The following CLIP1 variants were observed in gnomAD, a reference collection of about 807,000 sequenced individuals.
CLIP1 encodes the protein CAP-Gly domain containing linker protein 1.
In CLIP1, 66 loss-of-function variants were observed where a neutral mutation model predicts 161.6. The observed-to-expected ratio is 0.41, with a 90% CI of 0.33 to 0.50. CLIP1 has a LOEUF of 0.50. CLIP1 is among the 20% of genes least tolerant of loss of function. The pLI is 0.27. For synonymous variants in CLIP1, 598 were observed against 626.2 expected (o/e 0.96, Z 0.67); for missense variants, 1,376 against 1,702.0 (o/e 0.81, Z 3.37).
At chr12:122,379,637 A>G (rs1476972534) in intron 2 of CLIP1, among the ~76,000 whole-genome samples, 1 of 151,522 alleles carries the variant, frequency 6.6e-6, no homozygotes, top group African/African-American at 2.4e-5. Context: ...ATAAAATTTT[A>G]CGTCTTTCAA....
intron 20 of CLIP1, 57 bp downstream of exon 20, chr12:122,309,705 C>T: frequency 6.2e-7 from 1 of 1,602,244 alleles, no homozygotes; most frequent in Non-Finnish European, 8.5e-7. Flanking sequence ...AGCGTGCTGC[C>T]AACAGCAGCA....
At chr12:122,324,350 T>G (rs1383782133) in intron 17 of CLIP1, 1 of 152,522 alleles carries the variant, frequency 6.6e-6, no homozygotes, top group Admixed American at 6.5e-5. Flanking sequence ...TTCAATTTCT[T>G]TTTTGGCTGA....
intron 1 of CLIP1, among the ~76,000 whole-genome samples, chr12:122,406,756 C>A (rs1956339532): frequency 6.6e-6 from 1 of 151,926 alleles, no homozygotes; most frequent in South Asian, 2.1e-4. Flanking sequence ...AAAAACTAAC[C>A]CAGGGAGAAG....
chr12:122,331,496 G>A (rs534006305), intron 15 of CLIP1, among the ~76,000 whole-genome samples: 4 of 151,710 alleles, frequency 2.6e-5, no homozygotes, highest in African/African-American at 9.7e-5. Flanking sequence ...TGTATTTTTA[G>A]TAGCGATAGG....
chr12:122,310,340 T>A (rs1951018314), intron 19 of CLIP1, among the ~76,000 whole-genome samples: 1 of 152,194 alleles, frequency 6.6e-6, no homozygotes, highest in African/African-American at 2.4e-5. Flanking sequence ...GAAATAAAAA[T>A]CCAATGGTCC....
At chr12:122,385,972 T>C (rs1433712723) in intron 1 of CLIP1, among the ~76,000 whole-genome samples, 1 of 151,464 alleles carries the variant, frequency 6.6e-6, no homozygotes, top group Non-Finnish European at 1.5e-5. Context: ...GTTTAAAGAG[T>C]TTGGGATGGA....
At chr12:122,337,333 G>A (rs987986193) in intron 11 of CLIP1, among the ~76,000 whole-genome samples, 6 of 151,346 alleles carry the variant, frequency 4.0e-5, no homozygotes, top group East Asian at 2.0e-4. Context: ...CTGTAATCCC[G>A]CTACTTGGGA....
At chr12:122,357,580 C>T (rs1474910791) in intron 5 of CLIP1, among the ~76,000 whole-genome samples, 2 of 138,996 alleles carry the variant, frequency 1.4e-5, no homozygotes, top group Non-Finnish European at 3.1e-5. Flanking sequence ...CCCCCCCGCC[C>T]GGCCAGCCGC....
At chr12:122,331,790 T>A (rs1593087625) in intron 15 of CLIP1, among the ~76,000 whole-genome samples, 1 of 149,734 alleles carries the variant, frequency 6.7e-6, no homozygotes, top group East Asian at 2.0e-4. Flanking sequence ...AGGTCAGGAG[T>A]TTGAGACCAC....
chr12:122,365,672 C>CCTG, intron 3 of CLIP1: 1 of 591,992 alleles, frequency 1.7e-6, no homozygotes, highest in Non-Finnish European at 2.8e-6. Flanking sequence ...GACCTCTGGG[C>CCTG]TATTTAAAAA....
intron 21 of CLIP1, among the ~76,000 whole-genome samples, chr12:122,286,577 C>T (rs115880038): frequency 2.8e-5 from 4 of 144,374 alleles, no homozygotes; most frequent in Middle Eastern, 4.1e-3. Flanking sequence ...ATCAGGGGCA[C>T]GGCAGTGGTG....
intron 19 of CLIP1, among the ~76,000 whole-genome samples, chr12:122,315,247 GAC>G (rs1593046145): frequency 6.6e-6 from 1 of 152,256 alleles, no homozygotes; most frequent in Non-Finnish European, 1.5e-5. Context: ...GGAAATAAAA[GAC>G]ACAAACCCTT....
At chr12:122,403,977 C>G (rs1956230154) in intron 1 of CLIP1, among the ~76,000 whole-genome samples, 1 of 152,204 alleles carries the variant, frequency 6.6e-6, no homozygotes, top group South Asian at 2.1e-4. Context: ...AACAACAGTT[C>G]CGTGACTCAA....
At chr12:122,421,693 G>A (rs1956948545) in intron 1 of CLIP1, among the ~76,000 whole-genome samples, 1 of 152,152 alleles carries the variant, frequency 6.6e-6, no homozygotes, top group Non-Finnish European at 1.5e-5. Flanking sequence ...AGGGGGTGGC[G>A]CTCGGCTCCT....
rs898257051 is a variant in CLIP1 at position 122,323,233 on chromosome 12, G to A, written c.3250-3885C>T. The A allele has an allele frequency of 3.3e-5, 5 of 152,486 alleles. No individual in the cohort carries two copies. The highest frequency in any genetic ancestry group is 7.4e-5 in the Non-Finnish European group (5 of 68,014). 9.4% of individuals were successfully genotyped at this position (152,486 alleles called of 1,614,324 possible). A position where few individuals can be genotyped will look rare whatever the true frequency, so the allele number is the denominator to read the frequency against. On this transcript the variant is annotated intron_variant, in intron 17 of 25. Coordinates refer to ENST00000620786, the MANE Select transcript of CLIP1 (RefSeq NM_001247997.2). The surrounding 1 kb of genome is among the most constrained non-coding windows in gnomAD (Gnocchi z 4.1). Reference sequence around the variant, plus strand: ...TTTTCTGAGAAGCCATCTCCTTCTCGGAAGTCAGGTAAGTGATCTTCTCAT... The same window carrying A: ...TTTTCTGAGAAGCCATCTCCTTCTCAGAAGTCAGGTAAGTGATCTTCTCAT...
At chr12:122,310,716 A>T (rs1258458562) in intron 19 of CLIP1, among the ~76,000 whole-genome samples, 1 of 152,210 alleles carries the variant, frequency 6.6e-6, no homozygotes, top group African/African-American at 2.4e-5. Context: ...GTTTTGATGG[A>T]ATTGTGAATT....
At chr12:122,360,536 G>A (rs1056563478) in intron 5 of CLIP1, among the ~76,000 whole-genome samples, 1 of 151,934 alleles carries the variant, frequency 6.6e-6, no homozygotes, top group Non-Finnish European at 1.5e-5. Flanking sequence ...GGGTGACAAA[G>A]TGAGACCCTG....
At chr12:122,297,782 T>C (rs1593005512) in intron 20 of CLIP1, among the ~76,000 whole-genome samples, 1 of 151,810 alleles carries the variant, frequency 6.6e-6, no homozygotes, top group Admixed American at 6.6e-5. Context: ...AAGAAGGGAG[T>C]GGCGCAGACA....
chr12:122,408,917 T>C (rs538107664), intron 1 of CLIP1, among the ~76,000 whole-genome samples: 2 of 152,130 alleles, frequency 1.3e-5, no homozygotes, highest in Non-Finnish European at 2.9e-5. Flanking sequence ...GCTCAAGTGA[T>C]TCTCCTGCGT....
Sources: gnomAD v4.1 joint callset for allele counts (sites outside exome capture counted in the v4.1 genomes callset) on GRCh38, gnomAD v4.1.1 for gene constraint, Gnocchi (gnomAD v3.1) non-coding constraint, MANE v1.5 for transcripts, NCBI Gene and HGNC (gene_info 2026-07-23, HGNC 2026-07-21) for gene names.